PRKCQ: variants seen among roughly 807,000 people sequenced by gnomAD.
PRKCQ encodes protein kinase C theta type.
A neutral mutation model predicts 91.2 loss-of-function variants in PRKCQ; 41 were observed. That is an observed-to-expected ratio of 0.45 (90% CI 0.35 to 0.58). The LOEUF (loss-of-function observed/expected upper bound fraction) is 0.58. Among genes scored for constraint, PRKCQ ranks in the 20% least tolerant of loss-of-function variants. The probability of loss-of-function intolerance (pLI) is 0.00; values close to 1 mark genes in which losing one functional copy is unlikely to be tolerated. For missense variants in PRKCQ, 673 were observed against 896.5 expected, an observed-to-expected ratio of 0.75 and a Z score of 3.18; for synonymous variants, 307 against 316.9, an observed-to-expected ratio of 0.97 and a Z score of 0.33.
chr10:6,437,896 G>T (rs896782543), intron 16 of PRKCQ, among the ~76,000 whole-genome samples: 1 of 152,036 alleles, frequency 6.6e-6, no homozygotes, highest in African/African-American at 2.4e-5. Flanking sequence ...CTCATGACCC[G>T]CCCATCTCGG....
the PRKCQ span, among the ~76,000 whole-genome samples, chr10:6,421,872 T>C: frequency 6.6e-6 from 1 of 152,204 alleles, no homozygotes; most frequent in Non-Finnish European, 1.5e-5. This position sits in a 1 kb window ranked among gnomAD's most constrained non-coding sequence, Gnocchi z 4.1. Context: ...AACCACACCA[T>C]GGTAGTTAAG....
intron 9 of PRKCQ, among the ~76,000 whole-genome samples, chr10:6,485,673 G>C (rs1032429112): frequency 1.3e-5 from 2 of 152,098 alleles, no homozygotes; most frequent in Non-Finnish European, 2.9e-5. Flanking sequence ...CCCTGGACTC[G>C]GTGTTCCATG....
chr10:6,413,048 G>A, the PRKCQ span, among the ~76,000 whole-genome samples: 1 of 152,154 alleles, frequency 6.6e-6, no homozygotes, highest in South Asian at 2.1e-4. Context: ...CGCCTCCTGG[G>A]TTCACGCCAT....
intron 2 of PRKCQ, among the ~76,000 whole-genome samples, chr10:6,512,953 C>T (rs1421141322): frequency 2.6e-5 from 4 of 152,120 alleles, no homozygotes; most frequent in Non-Finnish European, 5.9e-5. Context: ...CATTTTACTT[C>T]CACAGACCTG....
intron 12 of PRKCQ, among the ~76,000 whole-genome samples, chr10:6,478,764 C>A (rs140370728): frequency 6.6e-6 from 1 of 152,146 alleles, no homozygotes; most frequent in African/African-American, 2.4e-5. Flanking sequence ...AACAGGAAAA[C>A]AGACAAACAA....
intron 8 of PRKCQ, among the ~76,000 whole-genome samples, chr10:6,486,569 G>C (rs1387274064): frequency 6.6e-6 from 1 of 152,200 alleles, no homozygotes; most frequent in Admixed American, 6.5e-5. Context: ...TCTGCCTCTG[G>C]GGTAGCCCTG....
At chr10:6,402,665 G>A in the PRKCQ span, among the ~76,000 whole-genome samples, 2 of 152,338 alleles carry the variant, frequency 1.3e-5, no homozygotes, top group East Asian at 3.9e-4. Flanking sequence ...GCCGGGCAGG[G>A]TGGCTCATGC....
chr10:6,462,343 G>C lies in PRKCQ; in HGVS notation c.1468C>G (p.Leu490Val), dbSNP rs1164833694. 6.2e-7 allele frequency: 1 copy of C among 1,613,892 alleles called. No homozygotes were observed. The highest frequency in any genetic ancestry group is 2.2e-5 in the East Asian group (1 of 44,888). ...TTGGAATGAAGGAACTGCAGACCAAGAATGATTTCAGCAGCATAAAACCTG... is the reference window on the plus strand; with the variant it reads ...TTGGAATGAAGGAACTGCAGACCAACAATGATTTCAGCAGCATAAAACCTG... ...RATFYAAEII[L>V]GLQFLHSKGI... Residue 490 changes from leucine (L) to valine (V), a missense_variant, in exon 14 of 18, where the codon CTT (leucine) becomes GTT (valine). Leu to Val is a conservative substitution (Grantham distance 32). Coordinates refer to ENST00000263125, the MANE Select transcript of PRKCQ (RefSeq NM_006257.5).
Position 6,496,738 on chromosome 10 carries a change from G to A in PRKCQ, c.660+297C>T, listed in dbSNP as rs1837629927. Among the ~76,000 whole-genome samples, 4 of 151,598 alleles carry A rather than the reference G, an allele frequency of 2.6e-5. No homozygotes were observed. In the South Asian group the frequency reaches 8.4e-4, roughly 32 times the overall value. ...TGCCCAGACTGGAGTGCGGTGGCAT[G>A]GTCCTGGTTCACTGCAACCTCCGCC... On this transcript the variant is annotated intron_variant, in intron 7 of 17. Transcript: ENST00000263125.
At chr10:6,573,098 C>T (rs1052874390) in intron 1 of PRKCQ, among the ~76,000 whole-genome samples, 1 of 152,094 alleles carries the variant, frequency 6.6e-6, no homozygotes, top group African/African-American at 2.4e-5. Context: ...GAAATAATTA[C>T]CCTTCCTACA....
chr10:6,430,963 C>T lies in PRKCQ; in HGVS notation c.1837-25G>A, dbSNP rs760109869. The stretch of plus-strand genomic sequence containing the variant: ...GCTGAAAGGGAGCAGAGCAGGAGCC[C>T]TGAGGTCTCCAGGGATGACCCTTTT... On this transcript the variant is annotated intron_variant, in intron 16 of 17. Transcript: ENST00000263125. The surrounding 1 kb of genome is among the most constrained non-coding windows in gnomAD (Gnocchi z 4.7). 1 of 1,611,716 alleles carries T rather than the reference C, an allele frequency of 6.2e-7. No individual in the cohort carries two copies. The highest frequency in any genetic ancestry group is 1.1e-5 in the South Asian group (1 of 90,832).
intron 12 of PRKCQ, among the ~76,000 whole-genome samples, chr10:6,468,148 T>TG (rs1835781569): frequency 1.3e-5 from 2 of 152,362 alleles, no homozygotes; most frequent in African/African-American, 4.8e-5. Flanking sequence ...TTGGAGCAGA[T>TG]AAAGGTCCTA....
At chr10:6,575,068 A>G (rs1841179738) in intron 1 of PRKCQ, among the ~76,000 whole-genome samples, 1 of 152,200 alleles carries the variant, frequency 6.6e-6, no homozygotes, top group Non-Finnish European at 1.5e-5. Flanking sequence ...GCCCTCATGG[A>G]GTTTCATGCT....
rs570167873 is a variant in PRKCQ at position 6,509,565 on chromosome 10, C to T, written c.318+1430G>A. 7.2e-5 allele frequency among the ~76,000 whole-genome samples: 11 copies of T among 152,290 alleles called. No individual in the cohort carries two copies. In the East Asian group the frequency reaches 7.7e-4, roughly 11 times the overall value. ...CTGGGATTACAGGCACCTGCCACCA[C>T]GCCTGGCTAATTTTTGTATTTTTAG... On this transcript the variant is annotated intron_variant, in intron 3 of 17. Transcript: ENST00000263125.
At chr10:6,567,949 T>C (rs1436048095) in intron 1 of PRKCQ, among the ~76,000 whole-genome samples, 1 of 152,190 alleles carries the variant, frequency 6.6e-6, no homozygotes, top group African/African-American at 2.4e-5. Flanking sequence ...AAAGTGATTA[T>C]AGGCTGGGCG....
At chr10:6,505,141 C>T (rs1649906199) in intron 4 of PRKCQ, among the ~76,000 whole-genome samples, 1 of 152,188 alleles carries the variant, frequency 6.6e-6, no homozygotes, top group African/African-American at 2.4e-5. Flanking sequence ...ATCCACCTGC[C>T]TCGGCCTCCC....
Position 6,567,106 on chromosome 10 carries a change from T to A in PRKCQ, c.-10+13105A>T, listed in dbSNP as rs116710440. Among the ~76,000 whole-genome samples the A allele has an allele frequency of 2.9e-3, 437 of 152,204 alleles. 1 individual carries two copies. The highest frequency in any genetic ancestry group is 9.8e-3 in the African/African-American group (408 of 41,512). On this transcript the variant is annotated intron_variant, in intron 1 of 17. Coordinates refer to ENST00000263125, the MANE Select transcript of PRKCQ (RefSeq NM_006257.5). The stretch of plus-strand genomic sequence containing the variant: ...GCTCTCAGGCTTACTCAAGAGACAA[T>A]AATTGCATTAAAATGTCATTAGGGA...
Position 6,497,364 on chromosome 10 carries a change from G to T in PRKCQ, c.543-113C>A. The T allele has an allele frequency of 1.6e-6, 2 of 1,222,532 alleles. No homozygotes were observed. Among genetic ancestry groups the T allele is most frequent in the East Asian group, 2.3e-5 (1 of 42,950 alleles). 75.7% of individuals were successfully genotyped at this position (1,222,532 alleles called of 1,614,324 possible). On this transcript the variant is annotated intron_variant, in intron 5 of 17. Transcript: ENST00000263125. The surrounding 1 kb of genome is among the most constrained non-coding windows in gnomAD (Gnocchi z 4.5). Reference sequence around the variant, plus strand: ...CCCCTAAGATCACAGAGCAGTTTCTGATCAGCAGCCCTGTTGTATCATTTG... The same window carrying T: ...CCCCTAAGATCACAGAGCAGTTTCTTATCAGCAGCCCTGTTGTATCATTTG...
chr10:6,523,170 C>A (rs1307028619), intron 1 of PRKCQ, among the ~76,000 whole-genome samples: 1 of 152,106 alleles, frequency 6.6e-6, no homozygotes. Flanking sequence ...TAAGTATGGG[C>A]CAGGTGCAGT....
Sources: allele counts gnomAD v4.1 joint callset (sites outside exome capture counted in the v4.1 genomes callset), GRCh38; gene constraint gnomAD v4.1.1; non-coding constraint Gnocchi (gnomAD v3.1); transcripts MANE v1.5; gene names NCBI Gene and HGNC (gene_info 2026-07-23, HGNC 2026-07-21).